RAB38: variants seen among roughly 807,000 people sequenced by gnomAD.
The protein encoded by RAB38 is RAB38, member RAS oncogene family.
In RAB38, 15 loss-of-function variants were observed where a neutral mutation model predicts 18.4. That is an observed-to-expected ratio of 0.82 (90% CI 0.55 to 1.26). The LOEUF is 1.26. Among genes scored for constraint, RAB38 ranks in the 50% most tolerant of loss-of-function variants. The pLI, the probability that RAB38 is intolerant of heterozygous loss-of-function variation, is 0.00. For synonymous variants in RAB38, 101 were observed against 104.4 expected (o/e 0.97, Z 0.20); for missense variants, 294 against 267.4 (o/e 1.10, Z -0.69).
At chr11:88,056,846 T>C in the RAB38 span, among the ~76,000 whole-genome samples, 2 of 151,258 alleles carry the variant, frequency 1.3e-5, no homozygotes, top group Admixed American at 6.6e-5. Context: ...CATACATACA[T>C]ACATACATAC....
chr11:87,974,457 T>TAAGG, the RAB38 span, among the ~76,000 whole-genome samples: 1 of 151,870 alleles, frequency 6.6e-6, no homozygotes, highest in African/African-American at 2.4e-5. Context: ...AAAATAAGAC[T>TAAGG]TTTTAGAAAA....
chr11:88,144,581 T>C (rs1942957029), intron 2 of RAB38, among the ~76,000 whole-genome samples: 2 of 152,204 alleles, frequency 1.3e-5, no homozygotes, highest in South Asian at 4.1e-4. Context: ...GATATATTCC[T>C]TTTCTCAGCA....
chr11:87,932,644 C>A, the RAB38 span, among the ~76,000 whole-genome samples: 1 of 152,220 alleles, frequency 6.6e-6, no homozygotes, highest in African/African-American at 2.4e-5. Flanking sequence ...AAAACAATTT[C>A]TCAAAGCTTG....
chr11:87,824,493 T>A, the RAB38 span, among the ~76,000 whole-genome samples: 1 of 152,050 alleles, frequency 6.6e-6, no homozygotes, highest in Non-Finnish European at 1.5e-5. Flanking sequence ...ACATACAAAG[T>A]TAGAAGAACA....
chr11:87,952,350 G>GCTAAAGGTTACACTGTTTT, the RAB38 span, among the ~76,000 whole-genome samples: 3 of 152,154 alleles, frequency 2.0e-5, no homozygotes, highest in African/African-American at 7.2e-5. Flanking sequence ...TTCTCTCGAA[G>GCTAAAGGTTACACTGTTTT]CTAAAGGTTA....
chr11:87,893,390 A>ATATATATATATATATATATATATTTTTT, the RAB38 span, among the ~76,000 whole-genome samples: 44 of 93,868 alleles, frequency 4.7e-4, no homozygotes, highest in Admixed American at 4.1e-3. Context: ...ATATATATAT[A>ATATATATATATATATATATATATTTTTT]TTTTTTTTTT....
chr11:87,888,880 A>G, the RAB38 span, among the ~76,000 whole-genome samples: 4 of 151,974 alleles, frequency 2.6e-5, 1 homozygote, highest in Admixed American at 2.6e-4. Context: ...CAATGGAGGC[A>G]TAGGCTACTT....
the RAB38 span, among the ~76,000 whole-genome samples, chr11:88,044,668 T>C: frequency 2.6e-5 from 4 of 152,174 alleles, no homozygotes; most frequent in Admixed American, 1.3e-4. Flanking sequence ...CATTCTTTTA[T>C]ACATTGTTCC....
chr11:88,039,823 A>G, the RAB38 span, among the ~76,000 whole-genome samples: 1 of 152,182 alleles, frequency 6.6e-6, no homozygotes, highest in East Asian at 1.9e-4. Context: ...TTTAAGTCCA[A>G]TCTAGAGCAT....
At chr11:88,016,934 G>A in the RAB38 span, among the ~76,000 whole-genome samples, 6 of 152,158 alleles carry the variant, frequency 3.9e-5, no homozygotes, top group African/African-American at 1.2e-4. Context: ...CCCACAGCAG[G>A]ATGGATTAAG....
chr11:87,961,955 C>A, the RAB38 span, among the ~76,000 whole-genome samples: 2 of 152,120 alleles, frequency 1.3e-5, no homozygotes, highest in African/African-American at 2.4e-5. Flanking sequence ...GAGAAAGAAC[C>A]AACTCCCCAT....
At chr11:88,057,127 C>G in the RAB38 span, among the ~76,000 whole-genome samples, 3 of 152,170 alleles carry the variant, frequency 2.0e-5, no homozygotes, top group African/African-American at 4.8e-5. Flanking sequence ...GAACACTGAT[C>G]AAAAGTTAGA....
the RAB38 span, among the ~76,000 whole-genome samples, chr11:87,897,606 G>A: frequency 6.6e-6 from 1 of 151,486 alleles, no homozygotes; most frequent in African/African-American, 2.4e-5. Flanking sequence ...AATTTCTAGA[G>A]CAGATACACA....
the RAB38 span, among the ~76,000 whole-genome samples, chr11:88,026,427 G>C: frequency 2.0e-4 from 30 of 151,800 alleles, no homozygotes; most frequent in African/African-American, 7.0e-4. Flanking sequence ...GCTGGGCGTG[G>C]TGGAGGGCAC....
the RAB38 span, among the ~76,000 whole-genome samples, chr11:88,033,128 C>CA: frequency 1.3e-5 from 2 of 151,090 alleles, no homozygotes; most frequent in African/African-American, 4.9e-5. Context: ...ATTGCAAGAA[C>CA]AAAAAACCAA....
the RAB38 span, among the ~76,000 whole-genome samples, chr11:87,854,146 G>T: frequency 6.3e-4 from 96 of 152,144 alleles, no homozygotes; most frequent in East Asian, 3.9e-3. Context: ...TTTTGTTTTG[G>T]TTTTTTTGCC....
the RAB38 span, among the ~76,000 whole-genome samples, chr11:87,833,333 T>G: frequency 6.6e-6 from 1 of 152,220 alleles, no homozygotes; most frequent in African/African-American, 2.4e-5. Context: ...TTCTCACTCC[T>G]GAGTCTTTTC....
chr11:87,966,200 G>T, the RAB38 span, among the ~76,000 whole-genome samples: 4 of 152,256 alleles, frequency 2.6e-5, no homozygotes, highest in South Asian at 8.3e-4. Context: ...AGAAAATGTG[G>T]ATCAGGATAG....
chr11:87,899,394 C>A, the RAB38 span, among the ~76,000 whole-genome samples: 1 of 151,624 alleles, frequency 6.6e-6, no homozygotes, highest in Non-Finnish European at 1.5e-5. Context: ...AACTTAACTC[C>A]TCTAAGCTGT....
Sources: allele counts gnomAD v4.1 joint callset (sites outside exome capture counted in the v4.1 genomes callset), GRCh38; gene constraint gnomAD v4.1.1; transcripts MANE v1.5; gene names NCBI Gene and HGNC (gene_info 2026-07-23, HGNC 2026-07-21).